Variants in CD2AP observed in about 807,000 individuals in gnomAD.
CD2AP encodes CD2-associated protein.
In CD2AP, 46 loss-of-function variants were observed where a neutral mutation model predicts 85.1. The observed-to-expected ratio is 0.54, with a 90% CI of 0.43 to 0.69. CD2AP has a LOEUF of 0.69. Among genes scored for constraint, CD2AP ranks in the 30% least tolerant of loss-of-function variants. The probability of loss-of-function intolerance (pLI) is 0.00; values close to 1 mark genes in which losing one functional copy is unlikely to be tolerated. For missense variants in CD2AP, 769 were observed against 729.5 expected (o/e 1.05, Z -0.62); for synonymous variants, 255 against 252.9 (o/e 1.01, Z -0.08).
At chr6:47,503,188 T>A in intron 1 of CD2AP, 92 bp from the exon 2 acceptor site, 1 of 1,219,514 alleles carries the variant, frequency 8.2e-7, no homozygotes, top group Non-Finnish European at 1.2e-6. Flanking sequence ...ATATTGTTGC[T>A]AAACAGATTC....
At chr6:47,601,226 G>A (rs374914673) in intron 13 of CD2AP, among the ~76,000 whole-genome samples, 27 of 151,876 alleles carry the variant, frequency 1.8e-4, no homozygotes, top group East Asian at 7.7e-4. Context: ...TTTATACATA[G>A]CTGTTATTTA....
chr6:47,589,379 T>TACACACACACACACACACACACACACAC lies in CD2AP; in HGVS notation c.1109-6467_1109-6466insCACACACACACACACACACACACACACA, dbSNP rs1554182232. Among the ~76,000 whole-genome samples the TACACACACACACACACACACACACACAC allele has an allele frequency of 1.1e-3, 148 of 139,430 alleles. No homozygotes were observed. In the Middle Eastern group the frequency reaches 0.011, roughly 10 times the overall value. The allele number at this position is 139,430 out of a possible 152,430, so 91.5% of individuals were successfully genotyped here. A position where few individuals can be genotyped will look rare whatever the true frequency, so the allele number is the denominator to read the frequency against. The stretch of plus-strand genomic sequence containing the variant: ...TTTGATGACCAGGAACTCTTGAATA[T>TACACACACACACACACACACACACACAC]ACACACACACACACAAATGTATATA... On this transcript the variant is annotated intron_variant, in intron 11 of 17. Coordinates refer to ENST00000359314, the MANE Select transcript of CD2AP (RefSeq NM_012120.3).
intron 1 of CD2AP, among the ~76,000 whole-genome samples, chr6:47,485,632 G>GTA (rs762462715): frequency 2.9e-4 from 44 of 152,220 alleles, no homozygotes; most frequent in Middle Eastern, 3.4e-3. Context: ...CTATAGTAGT[G>GTA]TATACTAATG....
At chr6:47,528,850 C>G (rs935672803) in intron 2 of CD2AP, among the ~76,000 whole-genome samples, 1 of 152,084 alleles carries the variant, frequency 6.6e-6, no homozygotes, top group African/African-American at 2.4e-5. Context: ...AAAAATCAGG[C>G]TGTTTGCTTT....
chr6:47,478,348 C>T, intron 1 of CD2AP, 100 bp downstream of exon 1: 3 of 1,389,786 alleles, frequency 2.2e-6, no homozygotes, highest in Non-Finnish European at 2.0e-6. Context: ...GCGGTCAGCC[C>T]CTGAGCGGCA....
intron 17 of CD2AP, among the ~76,000 whole-genome samples, chr6:47,622,533 C>T (rs556188684): frequency 6.6e-6 from 1 of 152,168 alleles, no homozygotes; most frequent in African/African-American, 2.4e-5. Context: ...TCCTCTACCC[C>T]CCTTGTATTT....
chr6:47,513,069 T>C (rs905281783), intron 2 of CD2AP, among the ~76,000 whole-genome samples: 1 of 152,058 alleles, frequency 6.6e-6, no homozygotes, highest in Non-Finnish European at 1.5e-5. Context: ...TAAGAAGAGC[T>C]GTAATAAAGA....
intron 12 of CD2AP, among the ~76,000 whole-genome samples, chr6:47,596,312 C>T (rs560214735): frequency 1.1e-4 from 17 of 151,992 alleles, no homozygotes; most frequent in Admixed American, 2.6e-4. Flanking sequence ...TTAAAGAATG[C>T]GGTACATCAC....
intron 6 of CD2AP, 161 bp from the exon 7 acceptor site, chr6:47,576,363 T>G: frequency 1.6e-6 from 1 of 619,206 alleles, no homozygotes. Flanking sequence ...TAAGGAACTT[T>G]GGAGACCTTT....
intron 3 of CD2AP, among the ~76,000 whole-genome samples, chr6:47,538,025 ACAGACC>A (rs1309099007): frequency 1.3e-5 from 2 of 152,102 alleles, no homozygotes; most frequent in African/African-American, 2.4e-5. Flanking sequence ...TGCTGGGATT[ACAGACC>A]CAAGCCACTG....
At chr6:47,550,072 A>G (rs189918943) in intron 4 of CD2AP, among the ~76,000 whole-genome samples, 128 of 152,322 alleles carry the variant, frequency 8.4e-4, no homozygotes, top group Admixed American at 1.8e-3. Flanking sequence ...AGATGGATCA[A>G]GGACTTAAAT....
intron 11 of CD2AP, among the ~76,000 whole-genome samples, chr6:47,584,769 C>T (rs1468746291): frequency 6.6e-6 from 1 of 151,970 alleles, no homozygotes; most frequent in Non-Finnish European, 1.5e-5. Context: ...TCTTTGTGAA[C>T]TAGTTAGGTA....
At chr6:47,497,230 T>C (rs1165956251) in intron 1 of CD2AP, among the ~76,000 whole-genome samples, 2 of 139,630 alleles carry the variant, frequency 1.4e-5, no homozygotes, top group Non-Finnish European at 3.2e-5. Flanking sequence ...TTCCTTTCCT[T>C]TCCTTTTCCT....
chr6:47,523,651 T>C (rs1766651119), intron 2 of CD2AP, among the ~76,000 whole-genome samples: 1 of 152,188 alleles, frequency 6.6e-6, no homozygotes, highest in Non-Finnish European at 1.5e-5. Flanking sequence ...TGAGTTATTT[T>C]AGATAATACT....
At chr6:47,534,773 A>G (rs1328494079) in intron 3 of CD2AP, among the ~76,000 whole-genome samples, 1 of 152,094 alleles carries the variant, frequency 6.6e-6, no homozygotes, top group Non-Finnish European at 1.5e-5. Flanking sequence ...TTAACACAGT[A>G]AAACCAGAAG....
At chr6:47,515,944 A>G (rs948976323) in intron 2 of CD2AP, among the ~76,000 whole-genome samples, 1 of 152,188 alleles carries the variant, frequency 6.6e-6, no homozygotes, top group Non-Finnish European at 1.5e-5. Context: ...AATATGTGGG[A>G]AAAAAAGTAA....
intron 16 of CD2AP, among the ~76,000 whole-genome samples, chr6:47,611,106 C>G (rs1404284413): frequency 6.8e-6 from 1 of 146,580 alleles, no homozygotes; most frequent in Non-Finnish European, 1.5e-5. Context: ...CTTGCATCAG[C>G]AGGAGAAGGG....
intron 6 of CD2AP, 79 bp downstream of exon 6, chr6:47,574,330 A>G (rs1768244609): frequency 1.5e-6 from 2 of 1,337,416 alleles, no homozygotes; most frequent in Admixed American, 3.4e-5. Flanking sequence ...GTCAGTTTGT[A>G]ACTCTGTTAG....
At chr6:47,591,806 A>G (rs1049723991) in intron 11 of CD2AP, among the ~76,000 whole-genome samples, 1 of 152,044 alleles carries the variant, frequency 6.6e-6, no homozygotes, top group African/African-American at 2.4e-5. Context: ...AAAATTATAT[A>G]CCTGAGATAA....
Sources: gnomAD v4.1 joint callset for allele counts (sites outside exome capture counted in the v4.1 genomes callset) on GRCh38, gnomAD v4.1.1 for gene constraint, MANE v1.5 for transcripts, NCBI Gene and HGNC (gene_info 2026-07-23, HGNC 2026-07-21) for gene names.